The following CLASP2 variants were observed in gnomAD, a reference collection of about 807,000 sequenced individuals.
CLASP2 encodes the protein cytoplasmic linker associated protein 2.
In CLASP2, 47 loss-of-function variants were observed where a neutral mutation model predicts 194.4. The ratio of observed to expected loss-of-function variants is 0.24; its 90% CI spans 0.19 to 0.31. The LOEUF (loss-of-function observed/expected upper bound fraction) is 0.31. CLASP2 is among the 10% of genes least tolerant of loss of function. CLASP2 has a pLI of 1.00. For synonymous variants in CLASP2, 619 were observed against 633.5 expected (o/e 0.98, Z 0.34); for missense variants, 1,445 against 1,823.6 (o/e 0.79, Z 3.78).
chr3:33,692,884 AT>A (rs750092253), intron 2 of CLASP2, among the ~76,000 whole-genome samples: 1 of 151,590 alleles, frequency 6.6e-6, no homozygotes, highest in African/African-American at 2.4e-5. Context: ...AACTCTTAGT[AT>A]TTTTTTTTCT....
intron 36 of CLASP2, among the ~76,000 whole-genome samples, chr3:33,514,139 C>T (rs578122454): frequency 6.6e-6 from 1 of 152,232 alleles, no homozygotes; most frequent in African/African-American, 2.4e-5. Context: ...AGGTGTCCAC[C>T]ATGACACCTG....
At chr3:33,520,836 C>T (rs1461870217) in intron 34 of CLASP2, among the ~76,000 whole-genome samples, 1 of 151,222 alleles carries the variant, frequency 6.6e-6, no homozygotes, top group East Asian at 1.9e-4. Flanking sequence ...CACACACACA[C>T]ACACACACAC....
At chr3:33,585,804 G>A (rs1193225465) in intron 21 of CLASP2, among the ~76,000 whole-genome samples, 1 of 151,234 alleles carries the variant, frequency 6.6e-6, no homozygotes, top group Non-Finnish European at 1.5e-5. Context: ...GAGCATGACT[G>A]TATTAAAAAA....
At chr3:33,611,976 A>T (rs1270286947) in intron 13 of CLASP2, 25 bp downstream of exon 13, 3 of 1,538,460 alleles carry the variant, frequency 1.9e-6, no homozygotes, top group Non-Finnish European at 2.7e-6. Flanking sequence ...TACTAACAAC[A>T]ACAACAACAA....
At chr3:33,573,436 T>G (rs1337431239) in intron 24 of CLASP2, 82 bp from the exon 25 acceptor site, 1 of 1,406,524 alleles carries the variant, frequency 7.1e-7, no homozygotes, top group Admixed American at 1.9e-5. Context: ...ACAAAAGGAT[T>G]GATTTTTGTT....
At chr3:33,540,313 T>C (rs1350779412) in intron 32 of CLASP2, among the ~76,000 whole-genome samples, 1 of 150,840 alleles carries the variant, frequency 6.6e-6, no homozygotes, top group Non-Finnish European at 1.5e-5. Flanking sequence ...CATAGCTTAC[T>C]GCAGCCTTGA....
intron 18 of CLASP2, among the ~76,000 whole-genome samples, chr3:33,598,689 A>G (rs2071177298): frequency 6.6e-6 from 1 of 152,214 alleles, no homozygotes; most frequent in African/African-American, 2.4e-5. Flanking sequence ...GTCAGGCGTA[A>G]CAATAATTTA....
intron 34 of CLASP2, among the ~76,000 whole-genome samples, chr3:33,517,535 T>C (rs943587312): frequency 2.0e-5 from 3 of 152,252 alleles, no homozygotes; most frequent in African/African-American, 4.8e-5. Context: ...TTCCTCTTTA[T>C]ATACTTCAGT....
At chr3:33,544,168 CACAA>C (rs905963820) in intron 31 of CLASP2, among the ~76,000 whole-genome samples, 1 of 152,128 alleles carries the variant, frequency 6.6e-6, no homozygotes, top group Non-Finnish European at 1.5e-5. Context: ...TATATGTATA[CACAA>C]ACACACAAAT....
At chr3:33,686,385 C>T (rs1418338893) in intron 5 of CLASP2, among the ~76,000 whole-genome samples, 6 of 152,226 alleles carry the variant, frequency 3.9e-5, no homozygotes, top group Non-Finnish European at 7.4e-5. Flanking sequence ...CAAGCTTTAC[C>T]GCCTGAACTC....
chr3:33,711,641 T>C (rs2093015476), intron 1 of CLASP2, among the ~76,000 whole-genome samples: 1 of 151,330 alleles, frequency 6.6e-6, no homozygotes, highest in South Asian at 2.1e-4. Flanking sequence ...TAAGGACTAA[T>C]ATCCAGAATC....
At chr3:33,501,590 G>A (rs1038327155) in intron 38 of CLASP2, 62 bp downstream of exon 38, 19 of 1,012,662 alleles carry the variant, frequency 1.9e-5, no homozygotes, top group East Asian at 1.7e-4. Context: ...TTACAGACAT[G>A]TAACTAAGTT....
At chr3:33,521,550 A>G (rs1239870584) in intron 34 of CLASP2, among the ~76,000 whole-genome samples, 1 of 152,216 alleles carries the variant, frequency 6.6e-6, no homozygotes, top group Admixed American at 6.5e-5. Context: ...ATGCTACAAA[A>G]TAACTTCAAA....
In CLASP2 at chr3:33,717,959, T is replaced by C; in HGVS notation, c.44A>G (p.Gln15Arg). Residue 15 changes from glutamine to arginine, a missense_variant, in exon 1 of 39, where the codon CAG (glutamine) becomes CGG (arginine). Physicochemically the swap from Gln to Arg is conservative, Grantham distance 43 (BLOSUM62 1). This residue lies in a region of CLASP2 where 332 missense variants were observed against 325.3 expected (regional missense o/e 1.02). Coordinates refer to ENST00000682230, the MANE Select transcript of CLASP2 (RefSeq NM_001365631.1). ...SMEYFCAQVQ[Q>R]KDVGGRLQVG... ...CTGCAGCCGGCCGCCGACGTCCTTC[T>C]GCTGCACCTGGGCGCAGAAGTACTC... 2 of 1,543,884 alleles carry C rather than the reference T, an allele frequency of 1.3e-6. No homozygotes were observed. Among genetic ancestry groups the C allele is most frequent in the Non-Finnish European group, 1.7e-6 (2 of 1,146,380 alleles).
At chr3:33,625,096 G>A (rs1326453131) in intron 10 of CLASP2, among the ~76,000 whole-genome samples, 1 of 150,740 alleles carries the variant, frequency 6.6e-6, no homozygotes, top group Non-Finnish European at 1.5e-5. Flanking sequence ...ACAAAAGTGT[G>A]TAAGGATGTT....
intron 34 of CLASP2, among the ~76,000 whole-genome samples, chr3:33,517,952 A>C (rs2051860458): frequency 6.6e-6 from 1 of 152,180 alleles, no homozygotes; most frequent in East Asian, 1.9e-4. Context: ...CCAGACTATC[A>C]ATCTTTTAAC....
intron 33 of CLASP2, among the ~76,000 whole-genome samples, chr3:33,538,559 A>C (rs571495069): frequency 6.6e-6 from 1 of 152,286 alleles, no homozygotes; most frequent in South Asian, 2.1e-4. Flanking sequence ...AAAACTCTAT[A>C]ATACTCATCT....
chr3:33,559,846 A>AT (rs1299114754), intron 28 of CLASP2, among the ~76,000 whole-genome samples: 1 of 151,974 alleles, frequency 6.6e-6, no homozygotes, highest in African/African-American at 2.4e-5. Context: ...GTGAGCCGAG[A>AT]TTGCGCCATT....
At chr3:33,654,900 A>G (rs2083877623) in intron 7 of CLASP2, among the ~76,000 whole-genome samples, 1 of 152,176 alleles carries the variant, frequency 6.6e-6, no homozygotes, top group South Asian at 2.1e-4. Context: ...ATAACTGACT[A>G]GTTAAAAATA....
Sources: gnomAD v4.1 joint callset for allele counts (sites outside exome capture counted in the v4.1 genomes callset) on GRCh38, gnomAD v4.1.1 for gene constraint, gnomAD v4.1.1 regional missense constraint, MANE v1.5 for transcripts, NCBI Gene and HGNC (gene_info 2026-07-23, HGNC 2026-07-21) for gene names.